The following CNTN5 variants were observed in gnomAD, a reference collection of about 807,000 sequenced individuals.
CNTN5 encodes the protein contactin-5.
Under a neutral mutation model 129.1 loss-of-function variants are expected in CNTN5, and 77 were observed. The observed-to-expected ratio is 0.60, with a 90% confidence interval of 0.50 to 0.72. The LOEUF (loss-of-function observed/expected upper bound fraction) is 0.72, where lower values mean the gene tolerates loss of function less well. Among genes scored for constraint, CNTN5 ranks in the 30% least tolerant of loss-of-function variants. The pLI, the probability that CNTN5 is intolerant of heterozygous loss-of-function variation, is 0.00. For synonymous variants in CNTN5, 509 were observed against 465.6 expected, an observed-to-expected ratio of 1.09 and a Z score of -1.20; for missense variants, 1,478 against 1,328.8, an observed-to-expected ratio of 1.11 and a Z score of -1.75.
intron 13 of CNTN5, among the ~76,000 whole-genome samples, chr11:100,188,854 T>C (rs1018629473): frequency 6.6e-6 from 1 of 152,122 alleles, no homozygotes; most frequent in South Asian, 2.1e-4. Context: ...GTGAATTATA[T>C]AAAGAAAATG....
chr11:100,002,679 G>T (rs985799578), intron 9 of CNTN5, among the ~76,000 whole-genome samples: 1 of 151,988 alleles, frequency 6.6e-6, no homozygotes, highest in Non-Finnish European at 1.5e-5. Context: ...TATGTCACAT[G>T]CTAATGCCTG....
intron 3 of CNTN5, among the ~76,000 whole-genome samples, chr11:99,570,125 G>A (rs2135574556): frequency 6.8e-6 from 1 of 147,892 alleles, no homozygotes; most frequent in South Asian, 2.2e-4. Context: ...GGTTCTAAAG[G>A]TTACTTTAAA....
intron 1 of CNTN5, among the ~76,000 whole-genome samples, chr11:99,225,248 G>T (rs1353731294): frequency 3.9e-5 from 6 of 152,200 alleles, no homozygotes; most frequent in African/African-American, 1.4e-4. Flanking sequence ...GGATGAGATC[G>T]TGGCCCTCCG....
At chr11:100,257,688 G>A (rs1950104425) in intron 17 of CNTN5, among the ~76,000 whole-genome samples, 1 of 152,160 alleles carries the variant, frequency 6.6e-6, no homozygotes, top group Admixed American at 6.5e-5. Context: ...CAGACCTGCA[G>A]CAGAGGGACC....
chr11:99,688,708 G>A (rs1953903549), intron 3 of CNTN5, among the ~76,000 whole-genome samples: 1 of 152,084 alleles, frequency 6.6e-6, no homozygotes, highest in Non-Finnish European at 1.5e-5. Context: ...CCATCACCGA[G>A]GTATTAATCC....
At chr11:99,632,096 G>T (rs970391012) in intron 3 of CNTN5, among the ~76,000 whole-genome samples, 2 of 151,690 alleles carry the variant, frequency 1.3e-5, no homozygotes, top group Non-Finnish European at 2.9e-5. Context: ...GGACTTGGAA[G>T]GTATACCCTG....
intron 15 of CNTN5, among the ~76,000 whole-genome samples, chr11:100,219,354 A>G (rs965212730): frequency 2.0e-5 from 3 of 152,238 alleles, no homozygotes; most frequent in Admixed American, 2.0e-4. Context: ...TCATCAGGTA[A>G]CACAAACTTT....
At chr11:99,268,244 A>G (rs1307314128) in intron 1 of CNTN5, among the ~76,000 whole-genome samples, 3 of 152,018 alleles carry the variant, frequency 2.0e-5, no homozygotes, top group African/African-American at 7.2e-5. Context: ...AGGTGCCTAG[A>G]AGCCAATGGC....
rs1288589583 is a variant in CNTN5 at position 99,819,662 on chromosome 11, A to G, written c.174A>G (p.Ser58=). 5.0e-6 allele frequency: 8 copies of G among 1,612,880 alleles called. No homozygotes were observed. The highest frequency in any genetic ancestry group is 6.8e-6 in the Non-Finnish European group (8 of 1,179,844). Reference sequence around the variant, plus strand: ...CCAGACCACGATACAGCAGCCCTTCATTAGGAACACTGAGTGCTTCTTCAC... The same window carrying G: ...CCAGACCACGATACAGCAGCCCTTCGTTAGGAACACTGAGTGCTTCTTCAC... ...SKTRPRYSSP[S]LGTLSASSPS... The change falls in exon 4 of 25, where the codon TCA becomes TCG. Residue 58 remains serine (S), a synonymous_variant. Transcript: ENST00000524871.
chr11:100,005,174 T>A (rs1940116380), intron 9 of CNTN5, among the ~76,000 whole-genome samples: 1 of 152,188 alleles, frequency 6.6e-6, no homozygotes, highest in Non-Finnish European at 1.5e-5. Flanking sequence ...TAGGAATGAA[T>A]GAACTTAAAA....
intron 2 of CNTN5, among the ~76,000 whole-genome samples, chr11:99,438,371 T>G (rs1399061805): frequency 6.6e-6 from 1 of 152,174 alleles, no homozygotes; most frequent in East Asian, 1.9e-4. Context: ...GATGACTATA[T>G]GTCACATATT....
chr11:99,709,449 A>T (rs1242842497), intron 3 of CNTN5, among the ~76,000 whole-genome samples: 1 of 151,774 alleles, frequency 6.6e-6, no homozygotes, highest in Admixed American at 6.6e-5. Flanking sequence ...AGAGAGTGAA[A>T]TTGTTTAAGA....
At chr11:100,090,292 G>T (rs1423005038) in intron 13 of CNTN5, among the ~76,000 whole-genome samples, 1 of 152,032 alleles carries the variant, frequency 6.6e-6, no homozygotes, top group Non-Finnish European at 1.5e-5. Flanking sequence ...ACTAGAGAAA[G>T]ACAAGGATGC....
chr11:100,106,481 G>T (rs1945436060), intron 13 of CNTN5, among the ~76,000 whole-genome samples: 1 of 150,858 alleles, frequency 6.6e-6, no homozygotes, highest in African/African-American at 2.4e-5. Flanking sequence ...GCATTCTGAG[G>T]GAATGAGGGA....
intron 1 of CNTN5, among the ~76,000 whole-genome samples, chr11:99,275,944 C>A (rs1037198382): frequency 4.0e-5 from 6 of 151,380 alleles, no homozygotes; most frequent in African/African-American, 1.5e-4. Flanking sequence ...TAATTGAAGC[C>A]ATATTTGAAC....
intron 3 of CNTN5, among the ~76,000 whole-genome samples, chr11:99,654,395 G>A (rs658689): frequency 0.31 from 47,224 of 151,772 alleles, 8,286 homozygotes; most frequent in Non-Finnish European, 0.41. Context: ...TAGAGGTTTA[G>A]CGTGGATGGG....
chr11:99,900,500 T>C (rs1354279970), intron 6 of CNTN5, among the ~76,000 whole-genome samples: 1 of 152,150 alleles, frequency 6.6e-6, no homozygotes, highest in Non-Finnish European at 1.5e-5. Context: ...TTGCCTTTGC[T>C]GTATCCCAGA....
chr11:99,994,817 G>A (rs4269885), intron 8 of CNTN5, among the ~76,000 whole-genome samples: 68,121 of 151,878 alleles, frequency 0.45, 16,235 homozygotes, highest in African/African-American at 0.61. Flanking sequence ...CACATCATTA[G>A]AAACATTCGG....
chr11:99,431,290 A>G (rs1306930800), intron 2 of CNTN5, among the ~76,000 whole-genome samples: 1 of 152,100 alleles, frequency 6.6e-6, no homozygotes, highest in African/African-American at 2.4e-5. Context: ...CTTAATATAG[A>G]AACGGGGCCC....
Sources: gnomAD v4.1 joint callset for allele counts (sites outside exome capture counted in the v4.1 genomes callset) on GRCh38, gnomAD v4.1.1 for gene constraint, MANE v1.5 for transcripts, NCBI Gene and HGNC (gene_info 2026-07-23, HGNC 2026-07-21) for gene names.